NHLRC2: variants seen among roughly 807,000 people sequenced by gnomAD.
NHLRC2 encodes NHL repeat-containing protein 2.
Under a neutral mutation model 68.1 loss-of-function variants are expected in NHLRC2, and 33 were observed. The observed-to-expected ratio is 0.48, with a 90% CI of 0.37 to 0.65. The LOEUF (loss-of-function observed/expected upper bound fraction) is 0.65. Among genes scored for constraint, NHLRC2 ranks in the 30% least tolerant of loss-of-function variants. NHLRC2 has a pLI of 0.00. For missense variants in NHLRC2, 761 were observed against 853.8 expected (o/e 0.89, Z 1.35); for synonymous variants, 311 against 309.6 (o/e 1.00, Z -0.05).
chr10:113,898,020 T>C (rs999943487), intron 5 of NHLRC2, 90 bp from the exon 6 acceptor site: 2 of 617,712 alleles, frequency 3.2e-6, no homozygotes, highest in Non-Finnish European at 5.4e-6. Context: ...AAACATATTG[T>C]TATCCTCCAT....
intron 5 of NHLRC2, among the ~76,000 whole-genome samples, chr10:113,893,058 A>G (rs1366552291): frequency 6.6e-6 from 1 of 152,200 alleles, no homozygotes; most frequent in African/African-American, 2.4e-5. Flanking sequence ...CAAAAATGGG[A>G]AGGCAAGGGA....
At chr10:113,899,473 T>C (rs1455497581) in intron 6 of NHLRC2, among the ~76,000 whole-genome samples, 1 of 152,232 alleles carries the variant, frequency 6.6e-6, no homozygotes, top group Non-Finnish European at 1.5e-5. Flanking sequence ...TTTAATCGTT[T>C]AGCAAATATT....
chr10:113,905,090 C>A, intron 10 of NHLRC2, 54 bp downstream of exon 10: 1 of 932,664 alleles, frequency 1.1e-6, no homozygotes, highest in South Asian at 2.0e-5. Context: ...GATGTTTAAT[C>A]TAGTTATTTT....
At chr10:113,866,069 A>G (rs998039265) in intron 2 of NHLRC2, among the ~76,000 whole-genome samples, 4 of 152,258 alleles carry the variant, frequency 2.6e-5, no homozygotes, top group Non-Finnish European at 5.9e-5. Flanking sequence ...GTGTTTATTA[A>G]TTCAAAACCT....
chr10:113,885,834 A>G (rs1303358155), intron 5 of NHLRC2, among the ~76,000 whole-genome samples: 1 of 152,054 alleles, frequency 6.6e-6, no homozygotes, highest in Non-Finnish European at 1.5e-5. Context: ...TAATAAAGTT[A>G]AAAAGTAAGA....
intron 1 of NHLRC2, among the ~76,000 whole-genome samples, chr10:113,855,695 C>T (rs1290038620): frequency 1.3e-5 from 2 of 152,104 alleles, no homozygotes; most frequent in Non-Finnish European, 2.9e-5. Flanking sequence ...GACGGCGTTT[C>T]ACTATGTTGG....
At position 113,879,619 on chromosome 10, in the gene NHLRC2, T is replaced by C. The variant is rs1172059053; in HGVS notation, c.833T>C (p.Phe278Ser). The change falls in exon 4 of 11, where the codon TTT becomes TCT. Residue 278 changes from phenylalanine to serine, a missense_variant. Transcript: ENST00000369301. ...GATGGAATATTTTCAGAATCAACTT[T>C]TAATTCTCCACAGGGTGTAGCCATA... ...RKDGIFSEST[F>S]NSPQGVAIMN... The C allele has an allele frequency of 6.3e-6, 10 of 1,595,958 alleles. No individual in the cohort carries two copies. Among genetic ancestry groups the C allele is most frequent in the Non-Finnish European group, 8.6e-6 (10 of 1,167,510 alleles).
intron 4 of NHLRC2, among the ~76,000 whole-genome samples, chr10:113,884,015 G>A (rs1846058772): frequency 6.6e-6 from 1 of 151,888 alleles, no homozygotes; most frequent in Non-Finnish European, 1.5e-5. Flanking sequence ...GGCATGATGG[G>A]AGATGGGGAT....
chr10:113,907,359 A>C (rs1254565629), intron 10 of NHLRC2, among the ~76,000 whole-genome samples: 1 of 152,250 alleles, frequency 6.6e-6, no homozygotes, highest in Non-Finnish European at 1.5e-5. Flanking sequence ...CATCACACTC[A>C]GTAGGTGGTC....
At chr10:113,906,172 C>T (rs1846273442) in intron 10 of NHLRC2, among the ~76,000 whole-genome samples, 1 of 152,138 alleles carries the variant, frequency 6.6e-6, no homozygotes, top group Non-Finnish European at 1.5e-5. Flanking sequence ...AATGGTGTCA[C>T]TGTAGGAGCA....
At chr10:113,880,294 G>A (rs1846024664) in intron 4 of NHLRC2, among the ~76,000 whole-genome samples, 1 of 151,542 alleles carries the variant, frequency 6.6e-6, no homozygotes, top group Non-Finnish European at 1.5e-5. Flanking sequence ...AAGCCTTTTT[G>A]TAGAGAATTT....
rs1488279750 is a variant in NHLRC2, at chr10:113,915,242, A to G, written c.*6706A>G. 2.2e-6 allele frequency: 1 copy of G among 456,296 alleles called. No homozygotes were observed. The highest frequency in any genetic ancestry group is 4.4e-6 in the Non-Finnish European group (1 of 226,960). The allele number at this position is 456,296 out of a possible 1,614,324, so 28.3% of individuals were successfully genotyped here. A position where few individuals can be genotyped will look rare whatever the true frequency, so the allele number is the denominator to read the frequency against. On this transcript the variant is annotated 3_prime_UTR_variant, in exon 11 of 11. Transcript: ENST00000369301. The stretch of plus-strand genomic sequence containing the variant: ...GGACCAAAAGGAAAATATTGCAACT[A>G]TTTGCAAACATACTTCCCTACCTGT...
At position 113,915,680 on chromosome 10, in the gene NHLRC2, G is replaced by C. The variant is rs771788428; in HGVS notation, c.*7144G>C. The C allele has an allele frequency of 3.9e-5, 8 of 206,188 alleles. No individual in the cohort carries two copies. The highest frequency in any genetic ancestry group is 5.8e-5 in the Non-Finnish European group (6 of 102,750). 12.8% of individuals were successfully genotyped at this position (206,188 alleles called of 1,614,324 possible). ...AGATAGGGTCTTGCTGTGTTGCCCAGGCTAGAGTGCAGCAGTGACATGATC... is the reference window on the plus strand; with the variant it reads ...AGATAGGGTCTTGCTGTGTTGCCCACGCTAGAGTGCAGCAGTGACATGATC... On this transcript the variant is annotated 3_prime_UTR_variant, in exon 11 of 11. Transcript: ENST00000369301.
Position 113,884,369 on chromosome 10 carries a change from T to A in NHLRC2, c.1028T>A (p.Phe343Tyr), listed in dbSNP as rs769949039. ...ATTAGTTCCCCTTGGGATGTAGTTT[T>A]TGGAACATCAGGTATGTGAACTTTT... ...QPISSPWDVV[F>Y]GTSGSEVQRG... Residue 343 changes from phenylalanine to tyrosine, a missense_variant, in exon 5 of 11, where the codon TTT becomes TAT. Phe to Tyr is a conservative substitution (Grantham distance 22). Coordinates refer to ENST00000369301, the MANE Select transcript of NHLRC2 (RefSeq NM_198514.4). 1.4e-5 allele frequency: 22 copies of A among 1,608,966 alleles called. No individual in the cohort carries two copies. The highest frequency in any genetic ancestry group is 1.8e-5 in the Non-Finnish European group (21 of 1,176,526).
intron 4 of NHLRC2, among the ~76,000 whole-genome samples, chr10:113,882,305 T>A (rs906597410): frequency 1.3e-5 from 2 of 151,772 alleles, no homozygotes; most frequent in Non-Finnish European, 1.5e-5. Flanking sequence ...TGCACCATCT[T>A]ACCTTCCCAC....
chr10:113,894,421 G>A (rs934815226), intron 5 of NHLRC2, among the ~76,000 whole-genome samples: 37 of 152,072 alleles, frequency 2.4e-4, no homozygotes, highest in East Asian at 1.9e-4. Flanking sequence ...GCTGTAAACC[G>A]ATAAAAGAAT....
In NHLRC2 at chr10:113,900,896, C is replaced by T. The variant is rs918854746; in HGVS notation, c.1140-770C>T. On this transcript the variant is annotated intron_variant, in intron 6 of 10. Transcript: ENST00000369301. ...TTACACAGACTCTCATTTTGTGTCC[C>T]GAGTCAGCTGCTTCCCTTCCCTCAA... is the stretch of plus-strand genomic sequence containing the variant. 6.6e-5 allele frequency among the ~76,000 whole-genome samples: 10 copies of T among 152,028 alleles called. No homozygotes were observed. In the East Asian group the frequency reaches 9.7e-4, roughly 15 times the overall value.
intron 2 of NHLRC2, among the ~76,000 whole-genome samples, chr10:113,864,797 C>T (rs962257028): frequency 2.0e-5 from 3 of 151,824 alleles, no homozygotes; most frequent in Non-Finnish European, 1.5e-5. Flanking sequence ...GGGAGGGTTA[C>T]ACTCAGTGGT....
chr10:113,906,716 G>C (rs143353388), intron 10 of NHLRC2, among the ~76,000 whole-genome samples: 1 of 152,160 alleles, frequency 6.6e-6, no homozygotes, highest in Non-Finnish European at 1.5e-5. Context: ...TTGGCCAGGC[G>C]TGGTGGCTCA....
Sources: gnomAD v4.1 joint callset for allele counts (sites outside exome capture counted in the v4.1 genomes callset) on GRCh38, gnomAD v4.1.1 for gene constraint, MANE v1.5 for transcripts, NCBI Gene and HGNC (gene_info 2026-07-23, HGNC 2026-07-21) for gene names.